SLC17A4: variants seen among roughly 807,000 people sequenced by gnomAD.
SLC17A4 encodes solute carrier family 17 member 4.
SLC17A4 carries 33 observed loss-of-function variants against 52.5 expected under a neutral mutation model. The ratio of observed to expected loss-of-function variants is 0.63; its 90% CI spans 0.48 to 0.84. The LOEUF (loss-of-function observed/expected upper bound fraction) is 0.84. SLC17A4 is among the 40% of genes least tolerant of loss of function. SLC17A4 has a pLI of 0.00. For missense variants in SLC17A4, 585 were observed against 597.1 expected (o/e 0.98, Z 0.21); for synonymous variants, 225 against 216.2 (o/e 1.04, Z -0.36).
At chr6:25,776,206 T>A (rs1561813107) in intron 8 of SLC17A4, among the ~76,000 whole-genome samples, 1 of 152,178 alleles carries the variant, frequency 6.6e-6, no homozygotes, top group Non-Finnish European at 1.5e-5. Flanking sequence ...CTCACCATAG[T>A]TTTACTTTGT....
chr6:25,761,245 T>C (rs1002647359), intron 1 of SLC17A4, among the ~76,000 whole-genome samples: 1 of 152,222 alleles, frequency 6.6e-6, no homozygotes, highest in Non-Finnish European at 1.5e-5. Flanking sequence ...GTCACTGTTA[T>C]TGTTGAAAGG....
chr6:25,771,578 G>GA (rs66832906), intron 6 of SLC17A4, among the ~76,000 whole-genome samples: 8,582 of 148,842 alleles, frequency 0.058, 692 homozygotes, highest in African/African-American at 0.18. Flanking sequence ...TGTCTCAAGA[G>GA]AAAAAAAAAA....
intron 10 of SLC17A4, 44 bp downstream of exon 10, chr6:25,777,003 G>A (rs758320342): frequency 6.4e-7 from 1 of 1,562,326 alleles, no homozygotes; most frequent in Non-Finnish European, 8.7e-7. Flanking sequence ...CTCAATTCAA[G>A]TCTAGCAGCC....
chr6:25,769,309 G>A, intron 3 of SLC17A4, 119 bp downstream of exon 3: 1 of 964,616 alleles, frequency 1.0e-6, no homozygotes, highest in Non-Finnish European at 1.5e-6. Flanking sequence ...TATGTGCCAG[G>A]AATGGCACAA....
Position 25,769,014 on chromosome 6 carries a change from C to T in SLC17A4, c.121C>T (p.Leu41Phe), listed in dbSNP as rs1246706045. Residue 41 changes from leucine to phenylalanine, a missense_variant, in exon 3 of 12, where the codon CTC becomes TTC. Coordinates refer to ENST00000377905, the MANE Select transcript of SLC17A4 (RefSeq NM_005495.3). ...TTGTTCAGTCCGACATGGGCTGGCC[C>T]TCATCTTGCAGCTCTGTAATTTTTC... ...GFCSVRHGLA[L>F]ILQLCNFSIY... The T allele has an allele frequency of 1.9e-6, 3 of 1,614,058 alleles. No homozygotes were observed. The highest frequency in any genetic ancestry group is 4.5e-5 in the East Asian group (2 of 44,874).
At chr6:25,755,249 T>A (rs1402275376) in intron 1 of SLC17A4, among the ~76,000 whole-genome samples, 1 of 152,206 alleles carries the variant, frequency 6.6e-6, no homozygotes, top group Non-Finnish European at 1.5e-5. Flanking sequence ...AAAAAATTAA[T>A]GAAAACCAAA....
In SLC17A4 at chr6:25,780,939, A is replaced by C. The variant is rs982149302; in HGVS notation, c.*1751A>C. On this transcript the variant is annotated 3_prime_UTR_variant, in exon 12 of 12. Coordinates refer to ENST00000377905, the MANE Select transcript of SLC17A4 (RefSeq NM_005495.3). The stretch of plus-strand genomic sequence containing the variant: ...ATGCCTCTAACACAGACAGCAACAC[A>C]GATAGCAATTATATCCAAGTGTAGA... 1 of 152,180 alleles carries C rather than the reference A, an allele frequency of 6.6e-6. No individual in the cohort carries two copies. Among genetic ancestry groups the C allele is most frequent in the African/African-American group, 2.4e-5 (1 of 41,442 alleles). 9.4% of individuals were successfully genotyped at this position (152,180 alleles called of 1,614,324 possible).
chr6:25,772,283 A>T (rs370787999), intron 6 of SLC17A4, among the ~76,000 whole-genome samples: 1 of 152,220 alleles, frequency 6.6e-6, no homozygotes, highest in South Asian at 2.1e-4. Context: ...TTGAATAAAT[A>T]TTAACATCCT....
intron 1 of SLC17A4, 92 bp from the exon 2 acceptor site, chr6:25,761,829 TCTTATA>T: frequency 1.5e-6 from 1 of 663,984 alleles, no homozygotes; most frequent in Non-Finnish European, 2.5e-6. Flanking sequence ...CTACCACTTT[TCTTATA>T]CAGCAACATT....
intron 1 of SLC17A4, among the ~76,000 whole-genome samples, chr6:25,760,159 A>G (rs577173759): frequency 6.6e-6 from 1 of 152,334 alleles, no homozygotes; most frequent in Admixed American, 6.5e-5. Flanking sequence ...AAATAATAGG[A>G]TCTGGTTCTT....
At chr6:25,764,204 C>A (rs1761806612) in intron 2 of SLC17A4, among the ~76,000 whole-genome samples, 1 of 152,190 alleles carries the variant, frequency 6.6e-6, no homozygotes, top group African/African-American at 2.4e-5. Flanking sequence ...GGCCAGAATG[C>A]CCTCATTTGT....
At position 25,761,960 on chromosome 6, in the gene SLC17A4, A is replaced by G; in HGVS notation, c.-3A>G. On this transcript the variant is annotated 5_prime_UTR_variant, in exon 2 of 12. Transcript: ENST00000377905. ...TGCCAGTCCCTAGGAAGAGAGAACC[A>G]AAATGTCTACCGGACCAGATGTCAA... 3 of 1,612,364 alleles carry G rather than the reference A, an allele frequency of 1.9e-6. No individual in the cohort carries two copies. The highest frequency in any genetic ancestry group is 1.1e-5 in the South Asian group (1 of 90,774).
chr6:25,775,710 G>T (rs1311898570), intron 8 of SLC17A4, among the ~76,000 whole-genome samples: 4 of 152,136 alleles, frequency 2.6e-5, no homozygotes. Flanking sequence ...TTACAGGTGT[G>T]AGCCACCATG....
At chr6:25,769,292 C>A in intron 3 of SLC17A4, 102 bp downstream of exon 3, 1 of 1,100,874 alleles carries the variant, frequency 9.1e-7, no homozygotes, top group Non-Finnish European at 1.3e-6. Flanking sequence ...ATTTACTGAA[C>A]ATGTACTATG....
At chr6:25,765,096 C>T (rs1761895088) in intron 2 of SLC17A4, among the ~76,000 whole-genome samples, 1 of 152,144 alleles carries the variant, frequency 6.6e-6, no homozygotes, top group Non-Finnish European at 1.5e-5. Context: ...CAAAGTCACA[C>T]ACAACTGGCT....
At chr6:25,778,927 TGGGAAGCCCA>T in intron 11 of SLC17A4, 117 bp from the exon 12 acceptor site, 1 of 1,212,520 alleles carries the variant, frequency 8.2e-7, no homozygotes, top group South Asian at 1.4e-5. Context: ...TAGGACCAAC[TGGGAAGCCCA>T]TGGAAGCCAG....
At chr6:25,777,023 CT>C (rs1165926154) in intron 10 of SLC17A4, 64 bp downstream of exon 10, 1 of 1,517,560 alleles carries the variant, frequency 6.6e-7, no homozygotes, top group Non-Finnish European at 8.9e-7. Context: ...CCTAAATCTA[CT>C]CTGATGTGAA....
Position 25,770,979 on chromosome 6 carries a change from A to G in SLC17A4, c.673A>G (p.Thr225Ala). ...ACTTGCTGGTGGTCTCCTCTGCCAG[A>G]CCATAGGATGGCCTTACGTCTTCTA... ...VLLAGGLLCQ[T>A]IGWPYVFYIF... Residue 225 changes from threonine (T) to alanine (A), a missense_variant, in exon 6 of 12, where the codon ACC becomes GCC. Physicochemically the swap from Thr to Ala is moderately conservative, Grantham distance 58. Coordinates refer to ENST00000377905, the MANE Select transcript of SLC17A4 (RefSeq NM_005495.3). 2 of 1,613,848 alleles carry G rather than the reference A, an allele frequency of 1.2e-6. No homozygotes were observed. Among genetic ancestry groups the G allele is most frequent in the Non-Finnish European group, 1.7e-6 (2 of 1,179,802 alleles).
In SLC17A4 at chr6:25,755,054, C is replaced by T. The variant is rs1432910176; in HGVS notation, c.-37+273C>T. ...ACAGACAGACACACACACATACACA[C>T]ACACACACACACACACACACACACA... is the stretch of plus-strand genomic sequence containing the variant. On this transcript the variant is annotated intron_variant, in intron 1 of 11. Coordinates refer to ENST00000377905, the MANE Select transcript of SLC17A4 (RefSeq NM_005495.3). Among the ~76,000 whole-genome samples the T allele has an allele frequency of 2.3e-5, 3 of 128,896 alleles. No individual in the cohort carries two copies. In the East Asian group the frequency reaches 6.7e-4, roughly 29 times the overall value. 84.6% of individuals were successfully genotyped at this position (128,896 alleles called of 152,430 possible).
Sources: allele counts gnomAD v4.1 joint callset (sites outside exome capture counted in the v4.1 genomes callset), GRCh38; gene constraint gnomAD v4.1.1; transcripts MANE v1.5; gene names NCBI Gene and HGNC (gene_info 2026-07-23, HGNC 2026-07-21).